Variants in CSGALNACT1 observed in about 807,000 individuals in gnomAD.
CSGALNACT1 encodes beta4GalNAcT-1.
Under a neutral mutation model 51.0 loss-of-function variants are expected in CSGALNACT1, and 52 were observed. The ratio of observed to expected loss-of-function variants is 1.02; its 90% CI spans 0.82 to 1.29. The LOEUF (loss-of-function observed/expected upper bound fraction) is 1.29. Among genes scored for constraint, CSGALNACT1 ranks in the 50% most tolerant of loss-of-function variants. The pLI is 0.00. For synonymous variants in CSGALNACT1, 341 were observed against 254.4 expected (o/e 1.34, Z -3.24); for missense variants, 935 against 679.2 (o/e 1.38, Z -4.19).
At chr8:19,450,552 C>T (rs1035691570) in intron 5 of CSGALNACT1, among the ~76,000 whole-genome samples, 1 of 152,062 alleles carries the variant, frequency 6.6e-6, no homozygotes, top group African/African-American at 2.4e-5. Flanking sequence ...ACAATGACAG[C>T]AGGAGTGAAG....
intron 1 of CSGALNACT1, among the ~76,000 whole-genome samples, chr8:19,637,064 G>C (rs2056168661): frequency 6.6e-6 from 1 of 152,026 alleles, no homozygotes; most frequent in Non-Finnish European, 1.5e-5. Context: ...GCCAGACATG[G>C]TGGTCTCCAC....
intron 1 of CSGALNACT1, among the ~76,000 whole-genome samples, chr8:19,736,625 A>G (rs904666911): frequency 2.0e-5 from 3 of 152,182 alleles, no homozygotes; most frequent in Admixed American, 6.5e-5. Flanking sequence ...TTGACATTAG[A>G]AACCGAATAG....
At chr8:19,498,554 G>A (rs1160448492) in intron 4 of CSGALNACT1, among the ~76,000 whole-genome samples, 1 of 152,064 alleles carries the variant, frequency 6.6e-6, no homozygotes, top group Non-Finnish European at 1.5e-5. Flanking sequence ...TCCAATTTGT[G>A]TACAACCCAG....
intron 1 of CSGALNACT1, among the ~76,000 whole-genome samples, chr8:19,675,946 T>C (rs1344875244): frequency 5.9e-5 from 9 of 152,138 alleles, no homozygotes; most frequent in Admixed American, 2.0e-4. Flanking sequence ...TCCCTGGTGA[T>C]ACAATTTCAG....
chr8:19,685,675 G>T (rs1019236144), upstream of CSGALNACT1, among the ~76,000 whole-genome samples: 9 of 152,102 alleles, frequency 5.9e-5, no homozygotes, highest in African/African-American at 1.9e-4. Context: ...GCCCCTGATG[G>T]ATTCAGATGA....
At chr8:19,586,218 C>A (rs2046599887) in intron 3 of CSGALNACT1, among the ~76,000 whole-genome samples, 1 of 151,818 alleles carries the variant, frequency 6.6e-6, no homozygotes, top group Non-Finnish European at 1.5e-5. Context: ...CAAAAATTAT[C>A]CGGGCGTGGT....
intron 5 of CSGALNACT1, among the ~76,000 whole-genome samples, chr8:19,452,578 G>A (rs1481468116): frequency 6.6e-6 from 1 of 152,278 alleles, no homozygotes; most frequent in Admixed American, 6.5e-5. Flanking sequence ...CCACAGAAGC[G>A]ATAGAAACAG....
intron 1 of CSGALNACT1, among the ~76,000 whole-genome samples, chr8:19,688,483 C>G (rs1192137133): frequency 6.6e-6 from 1 of 152,152 alleles, no homozygotes; most frequent in East Asian, 1.9e-4. Flanking sequence ...TTCCTTTGTT[C>G]TAAAGCAAAT....
chr8:19,640,627 A>G (rs528610625), intron 1 of CSGALNACT1, among the ~76,000 whole-genome samples: 3 of 152,234 alleles, frequency 2.0e-5, no homozygotes, highest in Non-Finnish European at 2.9e-5. Flanking sequence ...GGGAAGCACT[A>G]TATAGCATTT....
At chr8:19,448,733 A>G (rs1332578059) in intron 5 of CSGALNACT1, among the ~76,000 whole-genome samples, 1 of 152,206 alleles carries the variant, frequency 6.6e-6, no homozygotes, top group African/African-American at 2.4e-5. Context: ...CAAGGAAATC[A>G]CATCACCATT....
intron 4 of CSGALNACT1, among the ~76,000 whole-genome samples, chr8:19,462,652 C>T (rs979515048): frequency 4.6e-5 from 7 of 152,204 alleles, no homozygotes; most frequent in Admixed American, 1.3e-4. Flanking sequence ...AGCACCCAGG[C>T]TCACCCCACA....
intron 3 of CSGALNACT1, among the ~76,000 whole-genome samples, chr8:19,534,196 A>G (rs981626628): frequency 1.3e-5 from 2 of 152,206 alleles, no homozygotes; most frequent in Admixed American, 1.3e-4. Flanking sequence ...TCACATCTGT[A>G]ATTCCAGCAC....
intron 1 of CSGALNACT1, among the ~76,000 whole-genome samples, chr8:19,727,841 C>T (rs2063488392): frequency 6.6e-6 from 1 of 152,342 alleles, no homozygotes; most frequent in Middle Eastern, 3.4e-3. Context: ...AGTCCTGCCT[C>T]TGCCCTGAGG....
intron 3 of CSGALNACT1, among the ~76,000 whole-genome samples, chr8:19,506,497 G>A (rs1464244323): frequency 6.6e-6 from 1 of 152,202 alleles, no homozygotes; most frequent in Non-Finnish European, 1.5e-5. Context: ...TAATGACACT[G>A]GAGTTGCTGG....
At chr8:19,423,515 C>T (rs2058283168) in intron 6 of CSGALNACT1, among the ~76,000 whole-genome samples, 1 of 152,146 alleles carries the variant, frequency 6.6e-6, no homozygotes, top group Non-Finnish European at 1.5e-5. Flanking sequence ...TGAGCTGTTG[C>T]TAATAAATGC....
intron 3 of CSGALNACT1, among the ~76,000 whole-genome samples, chr8:19,589,770 C>T (rs982914809): frequency 1.3e-5 from 2 of 152,134 alleles, no homozygotes; most frequent in African/African-American, 4.8e-5. Context: ...TTAGTACAGT[C>T]CTGGTTTTGA....
intron 3 of CSGALNACT1, among the ~76,000 whole-genome samples, chr8:19,539,759 C>T (rs1184287927): frequency 2.0e-5 from 3 of 152,180 alleles, no homozygotes. Context: ...ATGTTGGCCA[C>T]ATTGACTGTG....
intron 1 of CSGALNACT1, among the ~76,000 whole-genome samples, chr8:19,741,702 G>C (rs753936163): frequency 1.3e-5 from 2 of 152,094 alleles, no homozygotes; most frequent in Non-Finnish European, 2.9e-5. Flanking sequence ...CATTACTTCA[G>C]TAATTGCCAA....
At chr8:19,682,710 G>A (rs1564419223), upstream of CSGALNACT1, 3 of 453,948 alleles carry the variant, frequency 6.6e-6, no homozygotes. Context: ...GTGCAATTCG[G>A]GGCCACACCA....
Sources: gnomAD v4.1 joint callset for allele counts (sites outside exome capture counted in the v4.1 genomes callset) on GRCh38, gnomAD v4.1.1 for gene constraint, MANE v1.5 for transcripts, NCBI Gene and HGNC (gene_info 2026-07-23, HGNC 2026-07-21) for gene names.